RIMS1: variants seen among roughly 807,000 people sequenced by gnomAD.
The protein encoded by RIMS1 is regulating synaptic membrane exocytosis 1.
Under a neutral mutation model 214.1 loss-of-function variants are expected in RIMS1, and 83 were observed. The observed-to-expected ratio is 0.39, with a 90% CI of 0.32 to 0.47. The LOEUF (loss-of-function observed/expected upper bound fraction) is 0.47, where lower values mean the gene tolerates loss of function less well. Ranked by LOEUF, RIMS1 falls within the 20% of genes least tolerant of loss-of-function variation. RIMS1 has a pLI of 0.99. For missense variants in RIMS1, 2,050 were observed against 2,161.8 expected (o/e 0.95, Z 1.03); for synonymous variants, 793 against 786.8 (o/e 1.01, Z -0.13).
chr6:72,179,831 A>G lies in RIMS1; in HGVS notation c.728A>G (p.Lys243Arg), dbSNP rs760884676. 1.9e-6 allele frequency: 3 copies of G among 1,612,814 alleles called. No homozygotes were observed. Among genetic ancestry groups the G allele is most frequent in the South Asian group, 1.1e-5 (1 of 91,014 alleles). Residue 243 changes from lysine to arginine, a missense_variant, in exon 5 of 34, where the codon AAA becomes AGA. By Grantham distance (26) the Lys-to-Arg change is conservative. Coordinates refer to ENST00000521978, the MANE Select transcript of RIMS1 (RefSeq NM_014989.7). ...CCCAGCGCACCACCAGACAGGAGCA[A>G]AGGGGCTGAGCCCTCGCAGCAAGCC... ...APPSAPPDRS[K>R]GAEPSQQALG...
At chr6:71,922,836 GA>G (rs1265086351) in intron 1 of RIMS1, among the ~76,000 whole-genome samples, 1 of 152,144 alleles carries the variant, frequency 6.6e-6, no homozygotes, top group Admixed American at 6.5e-5. Context: ...TATGACCTTG[GA>G]AAAGTCATCT....
At chr6:72,184,885 C>G (rs112950507) in intron 6 of RIMS1, among the ~76,000 whole-genome samples, 1 of 152,080 alleles carries the variant, frequency 6.6e-6, no homozygotes, top group African/African-American at 2.4e-5. Flanking sequence ...AGGGCTGCCT[C>G]TATGTATAAA....
intron 29 of RIMS1, among the ~76,000 whole-genome samples, chr6:72,377,223 G>T (rs573133940): frequency 1.3e-5 from 2 of 152,088 alleles, no homozygotes; most frequent in African/African-American, 4.8e-5. Flanking sequence ...CCTTGGCTCC[G>T]TCCTGTACCT....
At chr6:72,008,154 G>T (rs899396884) in intron 2 of RIMS1, among the ~76,000 whole-genome samples, 31 of 152,314 alleles carry the variant, frequency 2.0e-4, no homozygotes, top group African/African-American at 7.0e-4. Context: ...CCAGAAGAGA[G>T]TGGGGACCAA....
At chr6:71,924,101 A>G (rs1251857584) in intron 1 of RIMS1, among the ~76,000 whole-genome samples, 1 of 152,144 alleles carries the variant, frequency 6.6e-6, no homozygotes, top group Non-Finnish European at 1.5e-5. Context: ...AGGCACTTGC[A>G]TGTTTCACAC....
At chr6:71,908,977 T>A (rs575511354) in intron 1 of RIMS1, among the ~76,000 whole-genome samples, 5 of 152,290 alleles carry the variant, frequency 3.3e-5, no homozygotes, top group African/African-American at 1.2e-4. Context: ...ATTTAGATTC[T>A]ACTGTATTTC....
In RIMS1 at chr6:72,258,273, A is replaced by G. The variant is rs1051065375; in HGVS notation, c.2919A>G (p.Pro973=). Reference sequence around the variant, plus strand: ...CGCGTTCACGTTTACCAAATGTGCCATTACAGAGGTAGGCTTTGAAATGGG... The same window carrying G: ...CGCGTTCACGTTTACCAAATGTGCCGTTACAGAGGTAGGCTTTGAAATGGG... ...GKPRSRLPNV[P]LQRSLDEIHP... is the part of the protein sequence containing the mutation. The change falls in exon 17 of 34, where the codon CCA becomes CCG. Residue 973 remains proline, a synonymous_variant. Coordinates refer to ENST00000521978, the MANE Select transcript of RIMS1 (RefSeq NM_014989.7). 8 of 1,613,044 alleles carry G rather than the reference A, an allele frequency of 5.0e-6. No individual in the cohort carries two copies. Among genetic ancestry groups the G allele is most frequent in the Admixed American group, 1.7e-5 (1 of 59,914 alleles).
intron 1 of RIMS1, among the ~76,000 whole-genome samples, chr6:71,889,180 G>T (rs1277487426): frequency 6.6e-6 from 1 of 152,158 alleles, no homozygotes; most frequent in Non-Finnish European, 1.5e-5. Flanking sequence ...GGGAAGGCAC[G>T]GTGCAAGTAG....
At chr6:72,047,593 C>G (rs530248923) in intron 2 of RIMS1, among the ~76,000 whole-genome samples, 1 of 152,174 alleles carries the variant, frequency 6.6e-6, no homozygotes, top group Non-Finnish European at 1.5e-5. Flanking sequence ...GCTACTAGAT[C>G]TATAAACTGT....
At chr6:72,162,026 C>T (rs1052478575) in intron 4 of RIMS1, among the ~76,000 whole-genome samples, 11 of 140,466 alleles carry the variant, frequency 7.8e-5, no homozygotes, top group African/African-American at 2.7e-4. Flanking sequence ...GAGTCTAAGT[C>T]TCTTTGTAGG....
chr6:71,923,399 G>A (rs528435765), intron 1 of RIMS1, among the ~76,000 whole-genome samples: 5 of 152,200 alleles, frequency 3.3e-5, no homozygotes, highest in African/African-American at 9.6e-5. Flanking sequence ...GATACAAGGT[G>A]GTTAGATGGG....
intron 1 of RIMS1, among the ~76,000 whole-genome samples, chr6:71,950,018 A>G (rs529503208): frequency 1.3e-5 from 2 of 152,338 alleles, no homozygotes; most frequent in Non-Finnish European, 2.9e-5. Context: ...AAGGTAGAGC[A>G]CTACTCACAA....
rs2154135558 is a variant in RIMS1 at position 72,250,915 on chromosome 6, T to C, written c.2373-6T>C. 7 of 1,469,022 alleles carry C rather than the reference T, an allele frequency of 4.8e-6. No individual in the cohort carries two copies. The highest frequency in any genetic ancestry group is 6.4e-6 in the Non-Finnish European group (7 of 1,098,018). 91.0% of individuals were successfully genotyped at this position (1,469,022 alleles called of 1,614,324 possible). ...TTTTCATTTACAAAACATACTTATTTTTCAGTGATAAAAGTAAAAGGAGGA... is the reference window on the plus strand; with the variant it reads ...TTTTCATTTACAAAACATACTTATTCTTCAGTGATAAAAGTAAAAGGAGGA... On this transcript the variant is annotated splice_polypyrimidine_tract_variant and splice_region_variant and intron_variant, in intron 13 of 33. Transcript: ENST00000521978.
At chr6:71,971,021 A>AT (rs35470404) in intron 2 of RIMS1, among the ~76,000 whole-genome samples, 8 of 151,804 alleles carry the variant, frequency 5.3e-5, no homozygotes, top group Non-Finnish European at 1.0e-4. Flanking sequence ...CTCTTTTAAT[A>AT]TTTTTTTTAA....
At chr6:72,095,181 T>C (rs978623737) in intron 2 of RIMS1, among the ~76,000 whole-genome samples, 178 of 149,710 alleles carry the variant, frequency 1.2e-3, no homozygotes, top group African/African-American at 4.3e-3. Flanking sequence ...GCCAGGATTG[T>C]CTTGATCTCC....
At chr6:72,011,670 G>T (rs938972588) in intron 2 of RIMS1, among the ~76,000 whole-genome samples, 1 of 152,056 alleles carries the variant, frequency 6.6e-6, no homozygotes, top group Non-Finnish European at 1.5e-5. Context: ...GTGGGCAAAG[G>T]ACATGAACAG....
rs758018229 is a variant in RIMS1, at chr6:72,013,779, G to A, written c.245+44716G>A. On this transcript the variant is annotated intron_variant, in intron 2 of 33. Transcript: ENST00000521978. ...GCTGTATGAAAGTGTGCAGTTCACT[G>A]GTTTTTAGTTTATTCACAAAGTTGT... Among the ~76,000 whole-genome samples the A allele has an allele frequency of 1.6e-4, 24 of 152,128 alleles. 1 individual carries two copies. The highest frequency in any genetic ancestry group is 3.4e-4 in the Non-Finnish European group (23 of 68,006).
chr6:72,196,579 A>ATTTTTTTTTT (rs1562552453), intron 6 of RIMS1, among the ~76,000 whole-genome samples: 2 of 32,670 alleles, frequency 6.1e-5, no homozygotes, highest in Non-Finnish European at 9.5e-5. Flanking sequence ...AGCCAGCTGC[A>ATTTTTTTTTT]CTTTTTTTTT....
chr6:72,139,078 A>T (rs2041757557), intron 4 of RIMS1, among the ~76,000 whole-genome samples: 2 of 152,192 alleles, frequency 1.3e-5, no homozygotes, highest in African/African-American at 4.8e-5. Flanking sequence ...ACACACACGT[A>T]GGTATACATA....
Sources: gnomAD v4.1 joint callset for allele counts (sites outside exome capture counted in the v4.1 genomes callset) on GRCh38, gnomAD v4.1.1 for gene constraint, MANE v1.5 for transcripts, NCBI Gene and HGNC (gene_info 2026-07-23, HGNC 2026-07-21) for gene names.